Variants in AASDHPPT observed in about 807,000 individuals in gnomAD.
AASDHPPT encodes the protein L-aminoadipate-semialdehyde dehydrogenase-phosphopantetheinyl transferase.
AASDHPPT carries 23 observed loss-of-function variants against 36.4 expected under a neutral mutation model. The ratio of observed to expected loss-of-function variants is 0.63; its 90% CI spans 0.45 to 0.89. AASDHPPT has a LOEUF of 0.89. AASDHPPT is among the 40% of genes least tolerant of loss of function. AASDHPPT has a pLI of 0.00. For missense variants in AASDHPPT, 377 were observed against 378.2 expected, an observed-to-expected ratio of 1.00 and a Z score of 0.03; for synonymous variants, 115 against 128.0, an observed-to-expected ratio of 0.90 and a Z score of 0.68.
intron 4 of AASDHPPT, chr11:106,092,497 A>T (rs1354597758): frequency 6.6e-6 from 1 of 152,136 alleles, no homozygotes; most frequent in Non-Finnish European, 1.5e-5. Flanking sequence ...TTATAAGTAT[A>T]ACCATTATGT....
chr11:106,091,689 G>A (rs559612121), intron 4 of AASDHPPT: 9 of 424,842 alleles, frequency 2.1e-5, no homozygotes, highest in Admixed American at 4.5e-5. Context: ...AGTTCAGTAC[G>A]GGAAAGGAAA....
Position 106,096,798 on chromosome 11 carries a change from T to G in AASDHPPT, c.821T>G (p.Phe274Cys). The G allele has an allele frequency of 1.2e-6, 2 of 1,609,674 alleles. No homozygotes were observed. The highest frequency in any genetic ancestry group is 1.7e-6 in the Non-Finnish European group (2 of 1,178,304). The change falls in exon 6 of 6, where the codon TTT becomes TGT. Residue 274 changes from phenylalanine (F) to cysteine (C), a missense_variant. Phe to Cys is a radical substitution (Grantham distance 205). Coordinates refer to ENST00000278618, the MANE Select transcript of AASDHPPT (RefSeq NM_015423.3). ...CAGAGGCAATTTACTATTCTCAACTTTAATGATTTAATGTCATCTGCCGTT... is the reference window on the plus strand; with the variant it reads ...CAGAGGCAATTTACTATTCTCAACTGTAATGATTTAATGTCATCTGCCGTT... Reference protein sequence around the residue: ...PTQRQFTILNFNDLMSSAVPM... With the variant: ...PTQRQFTILNCNDLMSSAVPM...
Position 106,077,831 on chromosome 11 carries a change from C to T in AASDHPPT, c.121C>T (p.Gln41Ter), listed in dbSNP as rs1385839576. 1.9e-6 allele frequency: 3 copies of T among 1,614,076 alleles called. No individual in the cohort carries two copies. The highest frequency in any genetic ancestry group is 2.7e-5 in the African/African-American group (2 of 74,950). ...ATGGCTGCTGGCAGTGCGATCGATT[C>T]AGCCCGAGGAGAAGGAGCGCATTGG... ...AEWLLAVRSI[Q>*]PEEKERIGQF... is the part of the protein sequence containing the mutation. Residue 41 changes from glutamine (Q) to a stop codon, truncating the protein, a stop_gained, in exon 1 of 6, where the codon CAG becomes TAG. Transcript: ENST00000278618. LOFTEE classifies it high-confidence loss of function.
chr11:106,094,653 A>G lies in AASDHPPT; in HGVS notation c.764A>G (p.Asp255Gly). ...LRKPDGSRHQ[D>G]VPSQDDSKPT... ...AAACCCGATGGATCTAGACATCAGG[A>G]TGTAAGATTTTAGGATTTCTCTTTT... Residue 255 changes from aspartate to glycine, a missense_variant and splice_region_variant, in exon 5 of 6, where the codon GAT becomes GGT. Coordinates refer to ENST00000278618, the MANE Select transcript of AASDHPPT (RefSeq NM_015423.3). The G allele has an allele frequency of 6.3e-7, 1 of 1,594,594 alleles. No individual in the cohort carries two copies.
chr11:106,077,814 T>C lies in AASDHPPT; in HGVS notation c.104T>C (p.Leu35Pro), dbSNP rs1565408666. Residue 35 changes from leucine (L) to proline (P), a missense_variant, in exon 1 of 6, where the codon CTG (leucine) becomes CCG (proline). Physicochemically the swap from Leu to Pro is moderately conservative, Grantham distance 98 (BLOSUM62 -3). Coordinates refer to ENST00000278618, the MANE Select transcript of AASDHPPT (RefSeq NM_015423.3). ...CTGCCGAGCCGAGCCGAATGGCTGC[T>C]GGCAGTGCGATCGATTCAGCCCGAG... ...TWLPSRAEWLLAVRSIQPEEK... is the reference protein window; with the variant it reads ...TWLPSRAEWLPAVRSIQPEEK... 6.2e-7 allele frequency: 1 copy of C among 1,614,200 alleles called. No homozygotes were observed.
intron 2 of AASDHPPT, among the ~76,000 whole-genome samples, chr11:106,087,580 A>G (rs950693274): frequency 1.3e-5 from 2 of 152,136 alleles, no homozygotes; most frequent in Admixed American, 6.5e-5. Context: ...TTGTGTATAC[A>G]TATTGGTGAC....
At chr11:106,090,506 T>A in intron 2 of AASDHPPT, 51 bp from the exon 3 acceptor site, 1 of 1,476,050 alleles carries the variant, frequency 6.8e-7, no homozygotes, top group Non-Finnish European at 9.1e-7. Flanking sequence ...TAGAGCAACT[T>A]TTTATTTTTT....
chr11:106,078,623 A>T (rs574161890), intron 1 of AASDHPPT, among the ~76,000 whole-genome samples: 14 of 152,342 alleles, frequency 9.2e-5, no homozygotes, highest in African/African-American at 3.4e-4. Flanking sequence ...TCTGTTTGAA[A>T]TGTAGACTAG....
At chr11:106,088,377 T>A (rs1417908279) in intron 2 of AASDHPPT, among the ~76,000 whole-genome samples, 1 of 152,084 alleles carries the variant, frequency 6.6e-6, no homozygotes, top group Admixed American at 6.5e-5. Flanking sequence ...AAAATGCGTA[T>A]CTTTTTAAAT....
Position 106,096,931 on chromosome 11 carries a change from A to T in AASDHPPT, c.*24A>T, listed in dbSNP as rs543573488. 2.2e-5 allele frequency: 35 copies of T among 1,570,686 alleles called. No individual in the cohort carries two copies. Among genetic ancestry groups the T allele is most frequent in the Non-Finnish European group, 2.6e-5 (30 of 1,161,360 alleles). ...GATGATTCCCTGAGTAACAAAGGGAAATGAAAACTGTTTGTGATCTTCCGT... is the reference window on the plus strand; with the variant it reads ...GATGATTCCCTGAGTAACAAAGGGATATGAAAACTGTTTGTGATCTTCCGT... On this transcript the variant is annotated 3_prime_UTR_variant, in exon 6 of 6. Transcript: ENST00000278618.
intron 2 of AASDHPPT, among the ~76,000 whole-genome samples, chr11:106,084,846 C>G (rs1861181308): frequency 1.3e-5 from 2 of 151,862 alleles, no homozygotes; most frequent in African/African-American, 2.4e-5. Flanking sequence ...AACTTCTGAC[C>G]TCAGGTGAAC....
At chr11:106,090,736 T>G in intron 3 of AASDHPPT, 58 bp downstream of exon 3, 3 of 1,544,672 alleles carry the variant, frequency 1.9e-6, no homozygotes, top group Non-Finnish European at 2.6e-6. Flanking sequence ...TATCTTCACT[T>G]AAAATCAGAG....
chr11:106,077,744 C>T lies in AASDHPPT; in HGVS notation c.34C>T (p.Pro12Ser), dbSNP rs868311667. ...CCCTGCCAAACGGTTCTGCTTGGTG[C>T]CATCCATGGAGGGCGTGCGCTGGGC... Reference protein sequence around the residue: ...VFPAKRFCLVPSMEGVRWAFS... With the variant: ...VFPAKRFCLVSSMEGVRWAFS... The change falls in exon 1 of 6, where the codon CCA (proline) becomes TCA (serine). Residue 12 changes from proline (P) to serine (S), a missense_variant. Transcript: ENST00000278618. 3.1e-6 allele frequency: 5 copies of T among 1,614,006 alleles called. No individual in the cohort carries two copies. The African/African-American group carries it at 5.3e-5, about 17-fold the overall frequency.
rs188943310 is a variant in AASDHPPT at position 106,095,142 on chromosome 11, C to T, written c.765+488C>T. ...TCCGTCTCAAAAAAAAGAAATGTTA[C>T]CCGCTTCTTCACATTCGTATACGCT... On this transcript the variant is annotated intron_variant, in intron 5 of 5. Coordinates refer to ENST00000278618, the MANE Select transcript of AASDHPPT (RefSeq NM_015423.3). 3.3e-5 allele frequency among the ~76,000 whole-genome samples: 5 copies of T among 152,192 alleles called. No individual in the cohort carries two copies. The East Asian group carries it at 9.6e-4, about 29-fold the overall frequency.
At chr11:106,079,004 C>G (rs1272136526) in intron 1 of AASDHPPT, among the ~76,000 whole-genome samples, 1 of 151,940 alleles carries the variant, frequency 6.6e-6, no homozygotes, top group Non-Finnish European at 1.5e-5. Context: ...CTAGAGCCAG[C>G]CTAAAATGTC....
chr11:106,087,515 C>T (rs1170698440), intron 2 of AASDHPPT, among the ~76,000 whole-genome samples: 1 of 152,054 alleles, frequency 6.6e-6, no homozygotes, highest in Non-Finnish European at 1.5e-5. Flanking sequence ...CTTCCACTTC[C>T]CTCAAAAATG....
chr11:106,081,823 A>G (rs1861144211), intron 2 of AASDHPPT, among the ~76,000 whole-genome samples: 1 of 151,174 alleles, frequency 6.6e-6, no homozygotes, highest in Admixed American at 6.6e-5. Context: ...ACACATGGAC[A>G]CAGGAAGGGG....
Position 106,082,966 on chromosome 11 carries a change from T to G in AASDHPPT, c.409+3274T>G, listed in dbSNP as rs1861158804. Among the ~76,000 whole-genome samples, 2 of 152,192 alleles carry G rather than the reference T, an allele frequency of 1.3e-5. 1 individual carries two copies. Among genetic ancestry groups the G allele is most frequent in the African/African-American group, 4.8e-5 (2 of 41,448 alleles). On this transcript the variant is annotated intron_variant, in intron 2 of 5. Transcript: ENST00000278618. ...ATACATAAAAATTATGATTGAAATT[T>G]GGGAAAGGACCAGAATTTTCCCCCT...
At chr11:106,096,065 T>C (rs936067947) in intron 5 of AASDHPPT, among the ~76,000 whole-genome samples, 35 of 152,182 alleles carry the variant, frequency 2.3e-4, no homozygotes, top group Non-Finnish European at 5.9e-5. Flanking sequence ...TTGCTCTTCC[T>C]GAGCCTCAGA....
Sources: allele counts gnomAD v4.1 joint callset (sites outside exome capture counted in the v4.1 genomes callset), GRCh38; gene constraint gnomAD v4.1.1; transcripts MANE v1.5; gene names NCBI Gene and HGNC (gene_info 2026-07-23, HGNC 2026-07-21).